Variants in PRKCI observed in about 807,000 individuals in gnomAD.
PRKCI encodes protein kinase C iota.
In PRKCI, 43 loss-of-function variants were observed where a neutral mutation model predicts 84.0. That is an observed-to-expected ratio of 0.51 (90% CI 0.40 to 0.66). The LOEUF (loss-of-function observed/expected upper bound fraction) is 0.66. Among genes scored for constraint, PRKCI ranks in the 30% least tolerant of loss-of-function variants. PRKCI has a pLI of 0.00. For missense variants in PRKCI, 459 were observed against 745.6 expected, an observed-to-expected ratio of 0.62 and a Z score of 4.48; for synonymous variants, 216 against 234.4, an observed-to-expected ratio of 0.92 and a Z score of 0.72.
intron 2 of PRKCI, among the ~76,000 whole-genome samples, chr3:170,249,223 C>T (rs1402341323): frequency 6.6e-6 from 1 of 152,106 alleles, no homozygotes; most frequent in African/African-American, 2.4e-5. Context: ...ATGTGGAAAT[C>T]ACAGTTTGCT....
intron 1 of PRKCI, among the ~76,000 whole-genome samples, chr3:170,228,322 G>C (rs1470394205): frequency 6.6e-6 from 1 of 152,118 alleles, no homozygotes; most frequent in African/African-American, 2.4e-5. Context: ...GAAAGAGGCT[G>C]GGTATGGTGG....
At chr3:170,275,354 T>G in intron 8 of PRKCI, 67 bp downstream of exon 8, 2 of 1,469,002 alleles carry the variant, frequency 1.4e-6, no homozygotes, top group Non-Finnish European at 1.8e-6. Flanking sequence ...AGTTTAAAAG[T>G]ATGACATATT....
intron 7 of PRKCI, among the ~76,000 whole-genome samples, chr3:170,274,971 A>G (rs748223420): frequency 6.6e-6 from 1 of 152,226 alleles, no homozygotes; most frequent in African/African-American, 2.4e-5. Context: ...GTACTTGTTA[A>G]AAGCAGTACT....
chr3:170,238,870 C>T (rs768492206), intron 2 of PRKCI, among the ~76,000 whole-genome samples: 3 of 151,904 alleles, frequency 2.0e-5, no homozygotes, highest in African/African-American at 4.8e-5. Context: ...GGATTACAGG[C>T]ATGAGCCACC....
intron 2 of PRKCI, among the ~76,000 whole-genome samples, chr3:170,249,662 T>G (rs1299411001): frequency 6.6e-6 from 1 of 151,942 alleles, no homozygotes; most frequent in Non-Finnish European, 1.5e-5. Flanking sequence ...CATGGTGGCA[T>G]GAGCCTGTGG....
At chr3:170,258,406 A>G (rs1351245134) in intron 2 of PRKCI, among the ~76,000 whole-genome samples, 1 of 151,872 alleles carries the variant, frequency 6.6e-6, no homozygotes, top group East Asian at 1.9e-4. Context: ...CCTAGGTTCA[A>G]GCGATTCTTC....
rs1035323263 is a variant in PRKCI, at chr3:170,304,024, A to C, written c.*897A>C. 3 of 155,106 alleles carry C rather than the reference A, an allele frequency of 1.9e-5. No homozygotes were observed. Among genetic ancestry groups the C allele is most frequent in the African/African-American group, 7.2e-5 (3 of 41,536 alleles). The allele number at this position is 155,106 out of a possible 1,614,324, so 9.6% of individuals were successfully genotyped here. ...TGGGAAATTCTTCTTGAGTTAAAAA[A>C]GACACTTTTTATTATGAATCAGATT... On this transcript the variant is annotated 3_prime_UTR_variant, in exon 18 of 18. Coordinates refer to ENST00000295797, the MANE Select transcript of PRKCI (RefSeq NM_002740.6).
rs1237141652 is a variant in PRKCI, at chr3:170,259,991, T to G, written c.246T>G (p.Ser82=). The G allele has an allele frequency of 5.0e-6, 8 of 1,612,760 alleles. No homozygotes were observed. Among genetic ancestry groups the G allele is most frequent in the Non-Finnish European group, 6.8e-6 (8 of 1,179,344 alleles). The change falls in exon 3 of 18, where the codon TCT becomes TCG. Residue 82 remains serine, a synonymous_variant. Transcript: ENST00000295797. ...TAGGAGACCCGTGTACAGTATCATCTCAGTTGGAGTTAGAAGAAGCCTTTA... is the reference window on the plus strand; with the variant it reads ...TAGGAGACCCGTGTACAGTATCATCGCAGTTGGAGTTAGAAGAAGCCTTTA... ...DEEGDPCTVS[S]QLELEEAFRL... is the part of the protein sequence containing the mutation.
intron 1 of PRKCI, among the ~76,000 whole-genome samples, chr3:170,223,754 A>C (rs908723928): frequency 6.6e-6 from 1 of 152,118 alleles, no homozygotes; most frequent in South Asian, 2.1e-4. Context: ...GGTAGAAGTA[A>C]ATTGCTTTAA....
chr3:170,292,740 T>A (rs1734584904), intron 13 of PRKCI, among the ~76,000 whole-genome samples: 1 of 137,354 alleles, frequency 7.3e-6, no homozygotes, highest in Admixed American at 7.6e-5. Context: ...TGTCCACACC[T>A]CCAGCAGTTG....
At chr3:170,265,275 C>T (rs1403159040) in intron 4 of PRKCI, among the ~76,000 whole-genome samples, 1 of 152,108 alleles carries the variant, frequency 6.6e-6, no homozygotes, top group Non-Finnish European at 1.5e-5. Flanking sequence ...ATTTAACAAG[C>T]TCTTCAGGTG....
At chr3:170,268,127 C>A in intron 5 of PRKCI, 127 bp downstream of exon 5, 2 of 701,472 alleles carry the variant, frequency 2.9e-6, no homozygotes, top group South Asian at 2.3e-5. Context: ...CATGACCTTA[C>A]ATTTCCAGTT....
At chr3:170,226,587 C>T (rs150108932) in intron 1 of PRKCI, among the ~76,000 whole-genome samples, 1 of 152,254 alleles carries the variant, frequency 6.6e-6, no homozygotes, top group Non-Finnish European at 1.5e-5. Flanking sequence ...AATAACAATA[C>T]AGAGGATTCC....
At chr3:170,284,432 C>A in intron 11 of PRKCI, 29 bp from the exon 12 acceptor site, 3 of 1,503,012 alleles carry the variant, frequency 2.0e-6, no homozygotes, top group South Asian at 1.2e-5. Flanking sequence ...ATGGTTGAAT[C>A]AAATGACTTA....
chr3:170,285,078 C>CTTTTTTTT (rs199832004), intron 12 of PRKCI, among the ~76,000 whole-genome samples: 9 of 129,820 alleles, frequency 6.9e-5, no homozygotes, highest in Non-Finnish European at 8.3e-5. Flanking sequence ...GTCTTCATTT[C>CTTTTTTTT]TTTTTTTTTT....
At chr3:170,254,138 A>T (rs1733524914) in intron 2 of PRKCI, among the ~76,000 whole-genome samples, 1 of 147,634 alleles carries the variant, frequency 6.8e-6, no homozygotes, top group Admixed American at 6.8e-5. Context: ...TCTTTTGCCC[A>T]TTATTTAATC....
intron 1 of PRKCI, among the ~76,000 whole-genome samples, chr3:170,234,204 T>C (rs1732883195): frequency 6.6e-6 from 1 of 151,834 alleles, no homozygotes; most frequent in African/African-American, 2.4e-5. Context: ...GCAAATTTTT[T>C]ATTTTTAGTA....
At chr3:170,240,422 TG>T (rs1733099599) in intron 2 of PRKCI, among the ~76,000 whole-genome samples, 1 of 152,206 alleles carries the variant, frequency 6.6e-6, no homozygotes. Context: ...CCAAGTTTTC[TG>T]GGGAAAGCTA....
intron 4 of PRKCI, among the ~76,000 whole-genome samples, chr3:170,263,960 A>G (rs555120736): frequency 6.6e-6 from 1 of 152,358 alleles, no homozygotes; most frequent in South Asian, 2.1e-4. Flanking sequence ...TGCACATATG[A>G]AAGGAATATT....
Sources: allele counts gnomAD v4.1 joint callset (sites outside exome capture counted in the v4.1 genomes callset), GRCh38; gene constraint gnomAD v4.1.1; transcripts MANE v1.5; gene names NCBI Gene and HGNC (gene_info 2026-07-23, HGNC 2026-07-21).